The following FER variants were observed in gnomAD, a reference collection of about 807,000 sequenced individuals.
FER encodes the protein tyrosine-protein kinase Fer.
Under a neutral mutation model 111.0 loss-of-function variants are expected in FER, and 63 were observed. The ratio of observed to expected loss-of-function variants is 0.57; its 90% CI spans 0.46 to 0.70. FER has a LOEUF of 0.70. Among genes scored for constraint, FER ranks in the 30% least tolerant of loss-of-function variants. The pLI, the probability that FER is intolerant of heterozygous loss-of-function variation, is 0.00. For missense variants in FER, 914 were observed against 954.0 expected (o/e 0.96, Z 0.55); for synonymous variants, 327 against 313.9 (o/e 1.04, Z -0.44).
intron 2 of FER, among the ~76,000 whole-genome samples, chr5:108,784,718 G>A (rs748119201): frequency 4.6e-5 from 7 of 152,158 alleles, no homozygotes; most frequent in Non-Finnish European, 4.4e-5. Context: ...TATTCCTTAC[G>A]GGAAACAAAG....
intron 16 of FER, among the ~76,000 whole-genome samples, chr5:109,092,583 G>A (rs1271296322): frequency 6.6e-6 from 1 of 152,042 alleles, no homozygotes; most frequent in Non-Finnish European, 1.5e-5. Flanking sequence ...TGTTAGGATG[G>A]CCACTATAAA....
At chr5:108,840,541 T>A (rs10063167) in intron 5 of FER, among the ~76,000 whole-genome samples, 66,379 of 151,388 alleles carry the variant, frequency 0.44, 15,904 homozygotes, top group African/African-American at 0.63. Context: ...TTTTTTTTTC[T>A]GGAGTCCAGT....
chr5:109,028,712 A>G (rs1769136308), intron 13 of FER, among the ~76,000 whole-genome samples: 1 of 152,222 alleles, frequency 6.6e-6, no homozygotes, highest in African/African-American at 2.4e-5. Flanking sequence ...TTATTGTCGC[A>G]AAAGACTGAC....
At chr5:108,758,194 A>G (rs1751328899) in intron 1 of FER, among the ~76,000 whole-genome samples, 1 of 152,212 alleles carries the variant, frequency 6.6e-6, no homozygotes, top group Non-Finnish European at 1.5e-5. Context: ...TTACTAGAAT[A>G]CACACCCCAT....
intron 8 of FER, among the ~76,000 whole-genome samples, chr5:108,872,535 A>G (rs1285052886): frequency 1.3e-5 from 2 of 152,100 alleles, no homozygotes; most frequent in Admixed American, 6.6e-5. Flanking sequence ...TGGAAGAACC[A>G]TTTTGGAAAT....
intron 5 of FER, among the ~76,000 whole-genome samples, chr5:108,839,485 C>T (rs1761016250): frequency 6.6e-6 from 1 of 151,746 alleles, no homozygotes. Flanking sequence ...CTGTAAATAT[C>T]CAATGGGTTT....
At chr5:108,898,679 T>C (rs1749547873) in intron 10 of FER, among the ~76,000 whole-genome samples, 1 of 150,124 alleles carries the variant, frequency 6.7e-6, no homozygotes, top group African/African-American at 2.4e-5. Context: ...TTCTCTCTCT[T>C]CCTCTTTCTT....
intron 10 of FER, among the ~76,000 whole-genome samples, chr5:108,898,622 C>T (rs921222833): frequency 8.2e-5 from 11 of 134,894 alleles, no homozygotes; most frequent in Non-Finnish European, 1.7e-4. Flanking sequence ...TTCCTTCCTT[C>T]CTTCCTTTCT....
chr5:109,130,053 T>C (rs1444666646), intron 17 of FER, among the ~76,000 whole-genome samples: 1 of 132,492 alleles, frequency 7.5e-6, no homozygotes, highest in Non-Finnish European at 1.7e-5. Flanking sequence ...TTAATACTTG[T>C]GCGTAGGTTT....
At chr5:108,776,370 T>A (rs1753491221) in intron 2 of FER, among the ~76,000 whole-genome samples, 1 of 152,114 alleles carries the variant, frequency 6.6e-6, no homozygotes, top group Non-Finnish European at 1.5e-5. Flanking sequence ...AAAAATAAAT[T>A]GCCCCTACAA....
chr5:108,962,303 C>G (rs916889363), intron 13 of FER, among the ~76,000 whole-genome samples: 1 of 152,196 alleles, frequency 6.6e-6, no homozygotes, highest in Non-Finnish European at 1.5e-5. Flanking sequence ...ATCATTCTTA[C>G]ATTAGCAAAC....
intron 10 of FER, among the ~76,000 whole-genome samples, chr5:108,933,746 T>G (rs554953495): frequency 2.6e-5 from 4 of 152,320 alleles, no homozygotes; most frequent in Non-Finnish European, 2.9e-5. Context: ...GCATGGAATT[T>G]TTTTCCATTT....
intron 17 of FER, among the ~76,000 whole-genome samples, chr5:109,133,046 A>T (rs149295452): frequency 1.7e-4 from 26 of 152,288 alleles, no homozygotes; most frequent in African/African-American, 4.3e-4. Flanking sequence ...ATTGTAGAAG[A>T]TGTTCATAGT....
chr5:109,002,682 G>C lies in FER; in HGVS notation c.1657-34740G>C, dbSNP rs548317200. Among the ~76,000 whole-genome samples, 6 of 152,222 alleles carry C rather than the reference G, an allele frequency of 3.9e-5. No individual in the cohort carries two copies. The South Asian group carries it at 1.2e-3, about 32-fold the overall frequency. On this transcript the variant is annotated intron_variant, in intron 13 of 19. Transcript: ENST00000281092. ...AAAGAAACTACTATCAGAGTGAACAGGCAACCTACAAAATGGGAGAAAATT... is the reference window on the plus strand; with the variant it reads ...AAAGAAACTACTATCAGAGTGAACACGCAACCTACAAAATGGGAGAAAATT...
chr5:108,936,311 C>T (rs1755465580), intron 10 of FER, among the ~76,000 whole-genome samples: 1 of 151,834 alleles, frequency 6.6e-6, no homozygotes, highest in African/African-American at 2.4e-5. Context: ...TTTTGCTAAA[C>T]CTTTGATACA....
At chr5:109,060,056 G>T (rs1774186493) in intron 16 of FER, among the ~76,000 whole-genome samples, 1 of 152,120 alleles carries the variant, frequency 6.6e-6, no homozygotes, top group African/African-American at 2.4e-5. Flanking sequence ...ACTATCCCAA[G>T]TGAAGTCAAA....
chr5:108,982,134 C>T (rs1354957826), intron 13 of FER, among the ~76,000 whole-genome samples: 3 of 152,084 alleles, frequency 2.0e-5, no homozygotes, highest in Admixed American at 6.6e-5. Context: ...CCCACACCTA[C>T]AGAATCAGAA....
rs776686492 is a variant in FER, at chr5:108,832,904, C to T, written c.342C>T (p.Tyr114=). The T allele has an allele frequency of 1.4e-5, 22 of 1,603,306 alleles. No individual in the cohort carries two copies. In the African/African-American group the frequency reaches 3.0e-4, roughly 22 times the overall value. The part of the protein sequence containing the change: ...IKDKQQVKKS[Y]IGVHQQIEAE... ...ACAAGCAGCAGGTGAAGAAAAGTTA[C>T]ATAGGTGTTCATCAGCAGATAGAGG... The change falls in exon 4 of 20, where the codon TAC becomes TAT. Residue 114 remains tyrosine (Y), a synonymous_variant. Coordinates refer to ENST00000281092, the MANE Select transcript of FER (RefSeq NM_005246.4).
chr5:108,760,247 A>G (rs1230217500), intron 1 of FER, among the ~76,000 whole-genome samples: 2 of 151,358 alleles, frequency 1.3e-5, no homozygotes, highest in Non-Finnish European at 2.9e-5. Context: ...GCTGTCATAC[A>G]GCCTTTGTGT....
Sources: gnomAD v4.1 joint callset for allele counts (sites outside exome capture counted in the v4.1 genomes callset) on GRCh38, gnomAD v4.1.1 for gene constraint, MANE v1.5 for transcripts, NCBI Gene and HGNC (gene_info 2026-07-23, HGNC 2026-07-21) for gene names.